The following ZBTB20 variants were observed in gnomAD, a reference collection of about 807,000 sequenced individuals.
ZBTB20 encodes zinc finger and BTB domain-containing protein 20.
A neutral mutation model predicts 56.9 loss-of-function variants in ZBTB20; 9 were observed. The ratio of observed to expected loss-of-function variants is 0.16; its 90% CI spans 0.10 to 0.28. The LOEUF (loss-of-function observed/expected upper bound fraction) is 0.28, where lower values mean the gene tolerates loss of function less well. Among genes scored for constraint, ZBTB20 ranks in the 10% least tolerant of loss-of-function variants. ZBTB20 has a pLI of 1.00. For synonymous variants in ZBTB20, 417 were observed against 420.7 expected (o/e 0.99, Z 0.11); for missense variants, 655 against 1,003.0 (o/e 0.65, Z 4.69).
At position 114,326,235 on chromosome 3, in the gene ZBTB20, A is replaced by G. The variant is rs538363410; in HGVS notation, c.*12770T>C. The G allele has an allele frequency of 6.6e-6, 1 of 152,332 alleles. No individual in the cohort carries two copies. The highest frequency in any genetic ancestry group is 2.1e-4 in the South Asian group (1 of 4,830). 9.4% of individuals were successfully genotyped at this position (152,332 alleles called of 1,614,324 possible). A position where few individuals can be genotyped will look rare whatever the true frequency, so the allele number is the denominator to read the frequency against. On this transcript the variant is annotated 3_prime_UTR_variant, in exon 12 of 12. Transcript: ENST00000675478. The stretch of plus-strand genomic sequence containing the variant: ...CCAAAGAATTTAATTAAACTAATTT[A>G]TTCCCAGCCTTATTCCAAAAAGGAT...
At chr3:114,664,683 G>A (rs1334773631) in intron 6 of ZBTB20, among the ~76,000 whole-genome samples, 1 of 151,874 alleles carries the variant, frequency 6.6e-6, no homozygotes, top group Admixed American at 6.6e-5. Flanking sequence ...GAGCCACTGA[G>A]CAGCTGCTTT....
At chr3:115,106,493 A>C (rs1446930532) in intron 1 of ZBTB20, among the ~76,000 whole-genome samples, 1 of 152,022 alleles carries the variant, frequency 6.6e-6, no homozygotes, top group Middle Eastern at 3.2e-3. Flanking sequence ...TCAGCCTCCC[A>C]AAGTAATGGA....
At position 114,537,963 on chromosome 3, in the gene ZBTB20, C is replaced by A. The variant is rs547908105; in HGVS notation, c.-294-37572G>T. Among the ~76,000 whole-genome samples the A allele has an allele frequency of 2.0e-5, 3 of 151,998 alleles. No homozygotes were observed. In the East Asian group the frequency reaches 5.8e-4, roughly 29 times the overall value. ...CACATGGACATAGGGAGGGGAATGT[C>A]ACACACTGGGGCCTGTTGGTGGCTG... On this transcript the variant is annotated intron_variant, in intron 6 of 11. Transcript: ENST00000675478.
intron 7 of ZBTB20, among the ~76,000 whole-genome samples, chr3:114,429,276 A>G (rs1225988524): frequency 3.3e-5 from 5 of 152,256 alleles, no homozygotes; most frequent in African/African-American, 1.2e-4. Context: ...TAAATAATCA[A>G]GTAGTCAAAC....
chr3:114,955,520 A>G (rs2077215554), intron 3 of ZBTB20, among the ~76,000 whole-genome samples: 1 of 152,062 alleles, frequency 6.6e-6, no homozygotes, highest in African/African-American at 2.4e-5. Flanking sequence ...CAAAAATCAC[A>G]CTGTTTCTTT....
chr3:114,398,190 G>A (rs2086498633), intron 7 of ZBTB20, among the ~76,000 whole-genome samples: 1 of 151,916 alleles, frequency 6.6e-6, no homozygotes, highest in African/African-American at 2.4e-5. Context: ...AATGTTTTCT[G>A]CCACTTTTTA....
intron 5 of ZBTB20, among the ~76,000 whole-genome samples, chr3:114,795,212 G>A (rs572311018): frequency 6.6e-6 from 1 of 152,158 alleles, no homozygotes; most frequent in East Asian, 1.9e-4. Flanking sequence ...AAACCTTCAG[G>A]AAGGATTTAA....
At chr3:115,130,124 CTA>C (rs369445695) in intron 1 of ZBTB20, among the ~76,000 whole-genome samples, 26 of 152,268 alleles carry the variant, frequency 1.7e-4, no homozygotes, top group African/African-American at 5.8e-4. Context: ...GAAAATATCT[CTA>C]TTTTAAAGAT....
At chr3:114,934,789 A>T (rs2076475624) in intron 3 of ZBTB20, among the ~76,000 whole-genome samples, 1 of 152,196 alleles carries the variant, frequency 6.6e-6, no homozygotes, top group Non-Finnish European at 1.5e-5. Flanking sequence ...TTGCCTTGTT[A>T]TAATGTTATG....
At chr3:114,652,290 C>G (rs1578168882) in intron 6 of ZBTB20, among the ~76,000 whole-genome samples, 1 of 151,994 alleles carries the variant, frequency 6.6e-6, no homozygotes, top group Admixed American at 6.6e-5. Context: ...TGTGTCCTGG[C>G]TCTTCTGCAT....
intron 1 of ZBTB20, among the ~76,000 whole-genome samples, chr3:115,137,633 T>TA (rs1468634526): frequency 6.6e-6 from 1 of 152,086 alleles, no homozygotes; most frequent in Non-Finnish European, 1.5e-5. Context: ...GAGGCTGTTT[T>TA]AAAATTCCAT....
At position 114,676,375 on chromosome 3, in the gene ZBTB20, T is replaced by C. The variant is rs116548123; in HGVS notation, c.-295+17153A>G. On this transcript the variant is annotated intron_variant, in intron 6 of 11. Coordinates refer to ENST00000675478, the MANE Select transcript of ZBTB20 (RefSeq NM_001348800.3). ...TAATAATAAAAGCAATTTCATGTAT[T>C]TGTTGTGAGGGTTAAATGAGATAAT... Among the ~76,000 whole-genome samples, 641 of 152,240 alleles carry C rather than the reference T, an allele frequency of 4.2e-3. 5 individuals carry two copies. The highest frequency in any genetic ancestry group is 0.014 in the African/African-American group (593 of 41,538).
intron 7 of ZBTB20, among the ~76,000 whole-genome samples, chr3:114,408,935 G>A (rs1269572958): frequency 1.3e-5 from 2 of 151,948 alleles, no homozygotes; most frequent in African/African-American, 4.8e-5. Context: ...CTCGTCCGCC[G>A]TCCGCTCCTG....
chr3:115,044,025 G>A (rs945705717), intron 2 of ZBTB20, among the ~76,000 whole-genome samples: 1 of 152,130 alleles, frequency 6.6e-6, no homozygotes, highest in Non-Finnish European at 1.5e-5. Flanking sequence ...GCCATGTGAA[G>A]TACCTGCTCC....
At chr3:114,735,747 AC>A (rs563420855) in intron 5 of ZBTB20, among the ~76,000 whole-genome samples, 90 of 152,266 alleles carry the variant, frequency 5.9e-4, no homozygotes, top group African/African-American at 2.1e-3. Flanking sequence ...ACAGATACAT[AC>A]TCATTTATTT....
At chr3:114,855,115 T>C (rs1173883609) in intron 4 of ZBTB20, among the ~76,000 whole-genome samples, 1 of 152,206 alleles carries the variant, frequency 6.6e-6, no homozygotes, top group African/African-American at 2.4e-5. Context: ...ATTATGTGTG[T>C]GTTATAAGTA....
chr3:114,364,596 C>T (rs940432525), intron 10 of ZBTB20, among the ~76,000 whole-genome samples: 3 of 152,172 alleles, frequency 2.0e-5, no homozygotes, highest in Admixed American at 6.6e-5. Flanking sequence ...TAAAGGACCA[C>T]CATGCATGCC....
intron 6 of ZBTB20, among the ~76,000 whole-genome samples, chr3:114,548,120 G>C (rs2110167644): frequency 6.6e-6 from 1 of 152,374 alleles, no homozygotes; most frequent in East Asian, 1.9e-4. Flanking sequence ...CTCTGTAAGA[G>C]ACACATGTGC....
At chr3:114,541,211 C>T (rs1233677055) in intron 6 of ZBTB20, among the ~76,000 whole-genome samples, 1 of 152,050 alleles carries the variant, frequency 6.6e-6, no homozygotes, top group East Asian at 1.9e-4. Context: ...ATAGCTTTAA[C>T]CCAGTATCTA....
Sources: gnomAD v4.1 joint callset for allele counts (sites outside exome capture counted in the v4.1 genomes callset) on GRCh38, gnomAD v4.1.1 for gene constraint, MANE v1.5 for transcripts, NCBI Gene and HGNC (gene_info 2026-07-23, HGNC 2026-07-21) for gene names.